Variants in CCDC201 observed in about 807,000 individuals in gnomAD.
CCDC201 encodes coiled-coil domain-containing protein 201.
rs558931794 is a variant in CCDC201, at chr7:45,868,024, T to C, written c.19-1530A>G. Among the ~76,000 whole-genome samples, 180 of 152,308 alleles carry C rather than the reference T, an allele frequency of 1.2e-3. 1 individual carries two copies. The highest frequency in any genetic ancestry group is 4.2e-3 in the African/African-American group (176 of 41,570). Reference sequence around the variant, plus strand: ...GGGTAACAAATACACCAAAACATAGTGGCTTAAAACAGACATCTGTAATTG... The same window carrying C: ...GGGTAACAAATACACCAAAACATAGCGGCTTAAAACAGACATCTGTAATTG... On this transcript the variant is annotated intron_variant, in intron 1 of 2. Coordinates refer to ENST00000636578, the Ensembl canonical transcript of CCDC201.
chr7:45,882,861 A>C, the CCDC201 span, among the ~76,000 whole-genome samples: 4 of 152,164 alleles, frequency 2.6e-5, no homozygotes, highest in Non-Finnish European at 4.4e-5. Flanking sequence ...AGCTTTCCAC[A>C]CTTACCCCAA....
intron 1 of CCDC201, 104 bp from the exon 2 acceptor site, chr7:45,866,598 C>T (rs929426703): frequency 1.3e-5 from 2 of 152,152 alleles, no homozygotes; most frequent in Admixed American, 6.6e-5. Flanking sequence ...GCATGATGGC[C>T]CCATGAGGCA....
exon 3 of CCDC201, chr7:45,863,056 C>T (rs1786622571): frequency 6.6e-6 from 1 of 152,230 alleles, no homozygotes; most frequent in South Asian, 2.1e-4. Context: ...CTCTAGAGCA[C>T]CCTGCCTTCC....
At chr7:45,879,447 C>T in the CCDC201 span, among the ~76,000 whole-genome samples, 2 of 152,166 alleles carry the variant, frequency 1.3e-5, no homozygotes, top group Admixed American at 6.5e-5. Context: ...GAGGTTTAAT[C>T]TCTTCATGGT....
exon 3 of CCDC201, chr7:45,860,353 T>A (rs1786582659): frequency 6.6e-6 from 1 of 152,330 alleles, no homozygotes; most frequent in Non-Finnish European, 1.5e-5. Context: ...CTTCAGGCTA[T>A]CTGATGTGTA....
the CCDC201 span, among the ~76,000 whole-genome samples, chr7:45,883,965 CTTTT>C: frequency 2.1e-5 from 3 of 145,666 alleles, no homozygotes; most frequent in Admixed American, 7.0e-5. Flanking sequence ...ATCTTTCTTT[CTTTT>C]TCTTTCTTTC....
chr7:45,872,484 T>C (rs926017477), intron 1 of CCDC201, among the ~76,000 whole-genome samples: 10 of 152,192 alleles, frequency 6.6e-5, no homozygotes, highest in African/African-American at 2.4e-4. Flanking sequence ...TGGCTTTCCC[T>C]AAGGGCTGTG....
the CCDC201 span, among the ~76,000 whole-genome samples, chr7:45,882,050 T>C: frequency 6.6e-6 from 1 of 152,192 alleles, no homozygotes; most frequent in Admixed American, 6.5e-5. Flanking sequence ...AAGCAAAACA[T>C]CACTTTGTTT....
At chr7:45,872,489 G>C (rs1333386418) in intron 1 of CCDC201, among the ~76,000 whole-genome samples, 1 of 152,314 alleles carries the variant, frequency 6.6e-6, no homozygotes, top group African/African-American at 2.4e-5. Context: ...TTCCCTAAGG[G>C]CTGTGGCTAA....
upstream of CCDC201, among the ~76,000 whole-genome samples, chr7:45,873,633 C>G (rs1786766355): frequency 6.6e-6 from 1 of 152,194 alleles, no homozygotes; most frequent in Non-Finnish European, 1.5e-5. Context: ...AGGTGTTGCT[C>G]TGCTGCAGGT....
chr7:45,881,118 C>T, the CCDC201 span, among the ~76,000 whole-genome samples: 19 of 152,228 alleles, frequency 1.2e-4, no homozygotes, highest in East Asian at 1.9e-4. Flanking sequence ...ATGCATGGTC[C>T]GGGTAAGTGT....
the CCDC201 span, among the ~76,000 whole-genome samples, chr7:45,885,126 T>G: frequency 6.6e-6 from 1 of 152,028 alleles, no homozygotes; most frequent in Non-Finnish European, 1.5e-5. Context: ...ATAAGCATGA[T>G]AGGGTGATGG....
chr7:45,867,502 A>T (rs1290139077), intron 1 of CCDC201, among the ~76,000 whole-genome samples: 1 of 152,246 alleles, frequency 6.6e-6, no homozygotes, highest in East Asian at 1.9e-4. Flanking sequence ...TTCTAAAAGA[A>T]AAGAATGTTA....
At chr7:45,878,462 G>A in the CCDC201 span, among the ~76,000 whole-genome samples, 1 of 152,194 alleles carries the variant, frequency 6.6e-6, no homozygotes, top group Admixed American at 6.5e-5. Flanking sequence ...TGAAATCTAG[G>A]CAGAGGCTCC....
At chr7:45,864,865 G>A (rs1010470365) in intron 2 of CCDC201, among the ~76,000 whole-genome samples, 1 of 152,154 alleles carries the variant, frequency 6.6e-6, no homozygotes, top group Non-Finnish European at 1.5e-5. Flanking sequence ...CAACTGCAGA[G>A]GATCACAGAC....
At chr7:45,879,913 C>T in the CCDC201 span, among the ~76,000 whole-genome samples, 2 of 152,070 alleles carry the variant, frequency 1.3e-5, no homozygotes, top group East Asian at 1.9e-4. Flanking sequence ...TGGTGAAACC[C>T]CATCTCTATT....
At chr7:45,871,382 A>C (rs1562790673) in intron 1 of CCDC201, among the ~76,000 whole-genome samples, 1 of 152,060 alleles carries the variant, frequency 6.6e-6, no homozygotes. Flanking sequence ...CAGAAAAAAA[A>C]ACAAAAAAAT....
intron 1 of CCDC201, among the ~76,000 whole-genome samples, chr7:45,871,374 G>GA (rs34501457): frequency 0.25 from 36,775 of 148,528 alleles, 4,523 homozygotes; most frequent in East Asian, 0.3. Context: ...TAAATTACCA[G>GA]AAAAAAAAAC....
chr7:45,866,274 A>C (rs767330351), exon 2 of CCDC201: 1 of 155,244 alleles, frequency 6.4e-6, no homozygotes, highest in African/African-American at 2.4e-5. Flanking sequence ...CCTTTTCCTA[A>C]CAGTGGCTGG....
Sources: gnomAD v4.1 joint callset for allele counts (sites outside exome capture counted in the v4.1 genomes callset) on GRCh38, gnomAD v4.1.1 for gene constraint, MANE v1.5 for transcripts, NCBI Gene and HGNC (gene_info 2026-07-23, HGNC 2026-07-21) for gene names.